Variants in UNC13B observed in about 807,000 individuals in gnomAD.
UNC13B encodes protein unc-13 homolog B.
A neutral mutation model predicts 211.0 loss-of-function variants in UNC13B; 144 were observed. The ratio of observed to expected loss-of-function variants is 0.68; its 90% CI spans 0.60 to 0.78. The LOEUF (loss-of-function observed/expected upper bound fraction) is 0.78, where lower values mean the gene tolerates loss of function less well. Among genes scored for constraint, UNC13B ranks in the 30% least tolerant of loss-of-function variants. The pLI, the probability that UNC13B is intolerant of heterozygous loss-of-function variation, is 0.00. For synonymous variants in UNC13B, 709 were observed against 725.8 expected, an observed-to-expected ratio of 0.98 and a Z score of 0.37; for missense variants, 1,777 against 2,002.0, an observed-to-expected ratio of 0.89 and a Z score of 2.14.
In UNC13B at chr9:35,404,370, G is replaced by A. The variant is rs1836547627; in HGVS notation, c.*337G>A. The A allele has an allele frequency of 6.0e-6, 2 of 334,230 alleles. No homozygotes were observed. Among genetic ancestry groups the A allele is most frequent in the Non-Finnish European group, 1.1e-5 (2 of 178,464 alleles). The allele number at this position is 334,230 out of a possible 1,614,324, so 20.7% of individuals were successfully genotyped here. ...TCATCCCACCTCTACCCATCTCCAT[G>A]CCACACCTTATCCAGTTAGACACAT... On this transcript the variant is annotated 3_prime_UTR_variant, in exon 40 of 40. Transcript: ENST00000635942.
chr9:35,186,126 A>T (rs1027546562), intron 1 of UNC13B, among the ~76,000 whole-genome samples: 3 of 152,090 alleles, frequency 2.0e-5, no homozygotes, highest in Non-Finnish European at 2.9e-5. Flanking sequence ...CATTAACATT[A>T]AAACAGAGAT....
intron 1 of UNC13B, among the ~76,000 whole-genome samples, chr9:35,225,520 T>C (rs1691989823): frequency 6.6e-6 from 1 of 152,158 alleles, no homozygotes; most frequent in Non-Finnish European, 1.5e-5. Flanking sequence ...CTTTTAATGT[T>C]ATGGAGTGGC....
At chr9:35,235,333 G>A (rs1234672380) in intron 3 of UNC13B, among the ~76,000 whole-genome samples, 1 of 152,118 alleles carries the variant, frequency 6.6e-6, no homozygotes, top group Non-Finnish European at 1.5e-5. Context: ...TGAGTGGTGT[G>A]AACTAGCACA....
intron 6 of UNC13B, among the ~76,000 whole-genome samples, chr9:35,246,023 A>G (rs565480464): frequency 2.6e-4 from 40 of 152,148 alleles, no homozygotes; most frequent in African/African-American, 9.4e-4. Flanking sequence ...TTGTTTCCTG[A>G]CTTTTTAATG....
intron 11 of UNC13B, chr9:35,342,349 G>C (rs1016814091): frequency 1.0e-6 from 1 of 985,650 alleles, no homozygotes; most frequent in Non-Finnish European, 1.2e-6. Context: ...AGCAAGGTAA[G>C]TGGTACCGAG....
At chr9:35,186,905 C>T (rs565231251) in intron 1 of UNC13B, among the ~76,000 whole-genome samples, 1 of 152,178 alleles carries the variant, frequency 6.6e-6, no homozygotes, top group East Asian at 1.9e-4. Context: ...CCCTTTATAA[C>T]CTTCTTTGTA....
intron 5 of UNC13B, among the ~76,000 whole-genome samples, chr9:35,241,300 C>A (rs939413441): frequency 6.6e-6 from 1 of 152,110 alleles, no homozygotes; most frequent in African/African-American, 2.4e-5. Context: ...TTGTATAATA[C>A]ATTTAACCAC....
chr9:35,356,457 T>C (rs920992596), intron 11 of UNC13B, among the ~76,000 whole-genome samples: 2 of 152,152 alleles, frequency 1.3e-5, no homozygotes, highest in Non-Finnish European at 2.9e-5. Flanking sequence ...TTTATTCCTG[T>C]CACTCCACCA....
chr9:35,273,314 G>A (rs1160518959), intron 7 of UNC13B, among the ~76,000 whole-genome samples: 1 of 152,096 alleles, frequency 6.6e-6, no homozygotes, highest in Non-Finnish European at 1.5e-5. Flanking sequence ...TCCAAAAGAG[G>A]CATGTTTAAT....
chr9:35,278,347 T>C (rs1828292731), intron 7 of UNC13B, among the ~76,000 whole-genome samples: 1 of 152,220 alleles, frequency 6.6e-6, no homozygotes, highest in Admixed American at 6.6e-5. Flanking sequence ...AAGATTTTGG[T>C]GGCTAAAATT....
chr9:35,199,305 G>A (rs537018934), intron 1 of UNC13B, among the ~76,000 whole-genome samples: 2 of 152,216 alleles, frequency 1.3e-5, no homozygotes, highest in African/African-American at 4.8e-5. Flanking sequence ...ATAAACATAC[G>A]TGTGCCTGTG....
intron 11 of UNC13B, among the ~76,000 whole-genome samples, chr9:35,335,289 A>T (rs1831590534): frequency 6.6e-6 from 1 of 151,992 alleles, no homozygotes; most frequent in African/African-American, 2.4e-5. Flanking sequence ...TCAAGGGATA[A>T]CTTGCTTCCT....
At chr9:35,262,940 A>C (rs915504372) in intron 7 of UNC13B, among the ~76,000 whole-genome samples, 1 of 152,116 alleles carries the variant, frequency 6.6e-6, no homozygotes, top group Non-Finnish European at 1.5e-5. Context: ...CTCAAAAAAA[A>C]CCAAACCAAA....
At chr9:35,398,688 C>A (rs1179903067) in intron 32 of UNC13B, 46 bp downstream of exon 32, 2 of 1,604,762 alleles carry the variant, frequency 1.2e-6, no homozygotes, top group Non-Finnish European at 1.7e-6. Flanking sequence ...GATGTGGTCC[C>A]TAGCCAATCC....
chr9:35,195,375 A>G (rs903278490), intron 1 of UNC13B, among the ~76,000 whole-genome samples: 3 of 152,142 alleles, frequency 2.0e-5, no homozygotes, highest in African/African-American at 7.2e-5. Context: ...CGCCAAACCA[A>G]TGTATACTTA....
intron 2 of UNC13B, among the ~76,000 whole-genome samples, chr9:35,229,433 T>C (rs913667434): frequency 1.3e-5 from 2 of 152,226 alleles, no homozygotes; most frequent in Non-Finnish European, 2.9e-5. Flanking sequence ...ACCCATCTTG[T>C]ACCCATAATA....
Position 35,306,747 on chromosome 9 carries a change from A to T in UNC13B, c.7343A>T (p.Lys2448Ile), listed in dbSNP as rs548210823. The T allele has an allele frequency of 1.3e-4, 50 of 399,036 alleles. No individual in the cohort carries two copies. The East Asian group carries it at 1.5e-3, about 12-fold the overall frequency. 24.7% of individuals were successfully genotyped at this position (399,036 alleles called of 1,614,324 possible). The stretch of plus-strand genomic sequence containing the variant: ...CAAGATGCAGATAAAGAGGAAGACA[A>T]ATTTGCATTAGGCTCTTCAGTAGAC... Reference protein sequence around the residue: ...QNQDADKEEDKFALGSSVDML... With the variant: ...QNQDADKEEDIFALGSSVDML... The change falls in exon 9 of 40, where the codon AAA becomes ATA. Residue 2448 changes from lysine to isoleucine, a missense_variant. Transcript: ENST00000635942.
chr9:35,393,169 A>G (rs1179404021), intron 26 of UNC13B, among the ~76,000 whole-genome samples: 1 of 152,240 alleles, frequency 6.6e-6, no homozygotes, highest in Non-Finnish European at 1.5e-5. Flanking sequence ...AAACAGTCGT[A>G]TAAATTGGTA....
In UNC13B at chr9:35,174,552, C is replaced by CT. The variant is rs1174428850; in HGVS notation, c.22+12260dup. On this transcript the variant is annotated intron_variant, in intron 1 of 39. Transcript: ENST00000635942. The stretch of plus-strand genomic sequence containing the variant: ...TGCTGGCCAGGCTAGTCTTGAACTC[C>CT]TTTTTTTTTTTTTGAGACAGAGTCT... Among the ~76,000 whole-genome samples, 1,034 of 140,828 alleles carry CT rather than the reference C, an allele frequency of 7.3e-3. 6 individuals carry two copies. The highest frequency in any genetic ancestry group is 0.019 in the Admixed American group (272 of 14,016). 92.4% of individuals were successfully genotyped at this position (140,828 alleles called of 152,430 possible).
Sources: gnomAD v4.1 joint callset for allele counts (sites outside exome capture counted in the v4.1 genomes callset) on GRCh38, gnomAD v4.1.1 for gene constraint, MANE v1.5 for transcripts, NCBI Gene and HGNC (gene_info 2026-07-23, HGNC 2026-07-21) for gene names.